CACNA2D1: variants seen among roughly 807,000 people sequenced by gnomAD.
The protein encoded by CACNA2D1 is voltage-dependent calcium channel subunit alpha-2/delta-1.
Under a neutral mutation model 171.5 loss-of-function variants are expected in CACNA2D1, and 53 were observed. The ratio of observed to expected loss-of-function variants is 0.31; its 90% CI spans 0.25 to 0.39. CACNA2D1 has a LOEUF of 0.39. Ranked by LOEUF, CACNA2D1 falls within the 10% of genes least tolerant of loss-of-function variation. The pLI, the probability that CACNA2D1 is intolerant of heterozygous loss-of-function variation, is 1.00. For synonymous variants in CACNA2D1, 442 were observed against 443.1 expected (o/e 1.00, Z 0.03); for missense variants, 903 against 1,299.8 (o/e 0.69, Z 4.69).
chr7:82,208,531 T>A (rs1211742553), intron 3 of CACNA2D1, among the ~76,000 whole-genome samples: 1 of 152,154 alleles, frequency 6.6e-6, no homozygotes, highest in Non-Finnish European at 1.5e-5. Context: ...CAAAAATAAA[T>A]CACTTAAGAT....
chr7:82,427,011 T>A (rs529469559), intron 1 of CACNA2D1, among the ~76,000 whole-genome samples: 2 of 152,218 alleles, frequency 1.3e-5, no homozygotes, highest in Non-Finnish European at 2.9e-5. Flanking sequence ...AACTGTATCA[T>A]AGGTAATGTA....
chr7:82,349,390 A>T (rs1819596486), intron 2 of CACNA2D1, among the ~76,000 whole-genome samples, 178 bp downstream of exon 2: 1 of 152,206 alleles, frequency 6.6e-6, no homozygotes. Context: ...ATTTCTAAGG[A>T]TGGCATTTCC....
chr7:82,166,961 A>G (rs529009473), intron 4 of CACNA2D1, among the ~76,000 whole-genome samples: 1 of 152,128 alleles, frequency 6.6e-6, no homozygotes, highest in South Asian at 2.1e-4. Context: ...ATTTCTCTAC[A>G]TTACACAGTA....
At chr7:82,374,753 TA>T (rs1012961025) in intron 1 of CACNA2D1, among the ~76,000 whole-genome samples, 2 of 127,188 alleles carry the variant, frequency 1.6e-5, no homozygotes, top group East Asian at 2.2e-4. Flanking sequence ...TTTGAAAATT[TA>T]AAAAAAGAAC....
chr7:82,077,271 A>G (rs949781268), intron 7 of CACNA2D1, among the ~76,000 whole-genome samples: 3 of 152,134 alleles, frequency 2.0e-5, no homozygotes, highest in Non-Finnish European at 4.4e-5. Flanking sequence ...ATTTAGCTGG[A>G]TATATGGCCA....
chr7:82,186,436 G>A (rs1797790716), intron 3 of CACNA2D1, among the ~76,000 whole-genome samples: 2 of 152,034 alleles, frequency 1.3e-5, no homozygotes, highest in South Asian at 4.1e-4. Context: ...CTTTGTAAAG[G>A]ACTAAAATCA....
rs1797910038 is a variant in CACNA2D1, at chr7:82,187,747, T to C, written c.295-17138A>G. Among the ~76,000 whole-genome samples, 2 of 151,270 alleles carry C rather than the reference T, an allele frequency of 1.3e-5. 1 individual carries two copies. Among genetic ancestry groups the C allele is most frequent in the South Asian group, 4.2e-4 (2 of 4,792 alleles). ...GGAGCTGTGTAGATTGCTTTGATAA[T>C]TGAGAGCTAAATTTGGGCTACTGTA... On this transcript the variant is annotated intron_variant, in intron 3 of 38. Coordinates refer to ENST00000356860, the MANE Select transcript of CACNA2D1 (RefSeq NM_000722.4).
chr7:81,954,359 T>C (rs1792967108), intron 38 of CACNA2D1, among the ~76,000 whole-genome samples: 1 of 151,968 alleles, frequency 6.6e-6, no homozygotes, highest in Non-Finnish European at 1.5e-5. Context: ...GACTTCCTTA[T>C]AGGGGAACCT....
At chr7:82,284,325 C>T (rs1251770852) in intron 3 of CACNA2D1, among the ~76,000 whole-genome samples, 1 of 151,938 alleles carries the variant, frequency 6.6e-6, no homozygotes, top group African/African-American at 2.4e-5. Context: ...AAGGGCGAGA[C>T]CATGCAGGTT....
intron 3 of CACNA2D1, among the ~76,000 whole-genome samples, chr7:82,173,941 G>A (rs1269962314): frequency 2.0e-5 from 3 of 150,920 alleles, no homozygotes; most frequent in African/African-American, 7.3e-5. Context: ...TACTCAGGGG[G>A]CTGAGGCAGG....
intron 3 of CACNA2D1, among the ~76,000 whole-genome samples, chr7:82,235,100 A>C (rs1320110785): frequency 6.6e-6 from 1 of 152,178 alleles, no homozygotes; most frequent in Non-Finnish European, 1.5e-5. Context: ...AGCACACTAA[A>C]AAAGGAAAAT....
At chr7:81,951,274 T>G (rs1792488647) in intron 38 of CACNA2D1, among the ~76,000 whole-genome samples, 1 of 152,134 alleles carries the variant, frequency 6.6e-6, no homozygotes, top group African/African-American at 2.4e-5. Context: ...TCCTAGGTTC[T>G]ATATTTGATA....
intron 3 of CACNA2D1, among the ~76,000 whole-genome samples, chr7:82,199,700 CA>C (rs1190387022): frequency 1.3e-5 from 2 of 151,976 alleles, no homozygotes; most frequent in Non-Finnish European, 2.9e-5. Flanking sequence ...TATAATCTAG[CA>C]ATTCTACTCA....
chr7:82,169,726 C>T (rs1478690220), intron 4 of CACNA2D1, among the ~76,000 whole-genome samples: 1 of 151,912 alleles, frequency 6.6e-6, no homozygotes, highest in East Asian at 1.9e-4. Context: ...AGGTAGAGGG[C>T]AGTTGTTTAC....
chr7:82,018,143 G>A (rs1800735536), intron 12 of CACNA2D1, among the ~76,000 whole-genome samples: 1 of 152,104 alleles, frequency 6.6e-6, no homozygotes, highest in Non-Finnish European at 1.5e-5. Flanking sequence ...AGTAACAGAT[G>A]GCTTTGACAA....
chr7:82,242,377 T>G (rs1585199349), intron 3 of CACNA2D1, among the ~76,000 whole-genome samples: 1 of 152,206 alleles, frequency 6.6e-6, no homozygotes, highest in East Asian at 1.9e-4. Flanking sequence ...AACACAAAGC[T>G]AACTATATGG....
chr7:82,111,348 ATATATGTG>A (rs1267271394), intron 6 of CACNA2D1, among the ~76,000 whole-genome samples: 1 of 107,522 alleles, frequency 9.3e-6, no homozygotes, highest in Non-Finnish European at 2.0e-5. Context: ...ATATATTCAT[ATATATGTG>A]TATATATGTA....
intron 3 of CACNA2D1, among the ~76,000 whole-genome samples, chr7:82,175,523 T>A (rs1796466059): frequency 6.6e-6 from 1 of 152,052 alleles, no homozygotes; most frequent in South Asian, 2.1e-4. Flanking sequence ...GTTCTTAGCA[T>A]ATCAAAAGGA....
intron 3 of CACNA2D1, among the ~76,000 whole-genome samples, chr7:82,306,421 G>T (rs1394816861): frequency 6.6e-6 from 1 of 152,180 alleles, no homozygotes; most frequent in African/African-American, 2.4e-5. Flanking sequence ...TGTGTCTTAA[G>T]AAGAAGTTCC....
Sources: gnomAD v4.1 joint callset for allele counts (sites outside exome capture counted in the v4.1 genomes callset) on GRCh38, gnomAD v4.1.1 for gene constraint, MANE v1.5 for transcripts, NCBI Gene and HGNC (gene_info 2026-07-23, HGNC 2026-07-21) for gene names.